Variants in ARSG observed in about 807,000 individuals in gnomAD.
ARSG encodes arylsulfatase G, also known as ASG.
ARSG carries 37 observed loss-of-function variants against 50.5 expected under a neutral mutation model. The observed-to-expected ratio is 0.73, with a 90% CI of 0.56 to 0.96. The LOEUF is 0.96. Ranked by LOEUF, ARSG falls within the 50% of genes least tolerant of loss-of-function variation. The pLI is 0.00. For synonymous variants in ARSG, 225 were observed against 254.6 expected (o/e 0.88, Z 1.11); for missense variants, 629 against 675.3 (o/e 0.93, Z 0.76).
intron 1 of ARSG, chr17:68,270,805 A>G (rs782781811): frequency 1.3e-6 from 2 of 1,526,124 alleles, no homozygotes; most frequent in African/African-American, 2.8e-5. Flanking sequence ...AAGGGAAAGT[A>G]GACAAGTGTT....
At chr17:68,324,030 G>A (rs1477401057) in intron 2 of ARSG, among the ~76,000 whole-genome samples, 10 of 136,602 alleles carry the variant, frequency 7.3e-5, no homozygotes, top group African/African-American at 2.8e-4. Flanking sequence ...CTGAGATCAT[G>A]CCACTGCACT....
intron 6 of ARSG, among the ~76,000 whole-genome samples, chr17:68,361,013 C>T (rs112710513): frequency 0.018 from 2,721 of 152,118 alleles, 85 homozygotes; most frequent in African/African-American, 0.061. Flanking sequence ...TTAGTAGAGA[C>T]GGCGTTTCAC....
Position 68,320,214 on chromosome 17 carries a change from T to C in ARSG, c.218+12503T>C, listed in dbSNP as rs1365403254. 2.0e-5 allele frequency among the ~76,000 whole-genome samples: 3 copies of C among 151,498 alleles called. No individual in the cohort carries two copies. In the East Asian group the frequency reaches 5.8e-4, roughly 29 times the overall value. ...TGAGACAGGCGAATCGCTTAGAACC[T>C]GGGAGTTGGAGGTTGCAGTGAGCCG... On this transcript the variant is annotated intron_variant, in intron 2 of 11. Coordinates refer to ENST00000621439, the MANE Select transcript of ARSG (RefSeq NM_001267727.2).
intron 5 of ARSG, among the ~76,000 whole-genome samples, chr17:68,353,086 A>C (rs2078875541): frequency 6.6e-6 from 1 of 152,022 alleles, no homozygotes; most frequent in Admixed American, 6.6e-5. Flanking sequence ...TTACATTCTA[A>C]GCACTGTCTA....
downstream of ARSG, chr17:68,427,081 G>C: frequency 1.4e-6 from 2 of 1,451,188 alleles, no homozygotes; most frequent in East Asian, 2.3e-5. Flanking sequence ...GCAGGGAGAA[G>C]GGGAGGGAGG....
the ARSG span, chr17:68,429,961 G>A: frequency 4.3e-6 from 7 of 1,611,786 alleles, no homozygotes; most frequent in Admixed American, 6.7e-5. Context: ...TGACGAAAGT[G>A]TGGTCTTGTT....
intron 1 of ARSG, among the ~76,000 whole-genome samples, chr17:68,269,553 G>T (rs1473378199): frequency 6.9e-6 from 1 of 145,656 alleles, no homozygotes; most frequent in African/African-American, 2.6e-5. Context: ...TGTTCTTCTT[G>T]GGCTAAGCCT....
intron 1 of ARSG, among the ~76,000 whole-genome samples, chr17:68,301,526 T>G (rs556145018): frequency 1.3e-5 from 2 of 152,324 alleles, no homozygotes; most frequent in African/African-American, 4.8e-5. Context: ...TGTCTCGCTC[T>G]AGCACTGTCT....
chr17:68,313,511 C>G (rs529423666), intron 2 of ARSG, among the ~76,000 whole-genome samples: 1 of 152,060 alleles, frequency 6.6e-6, no homozygotes, highest in Non-Finnish European at 1.5e-5. Context: ...AAATACCAGT[C>G]TTTGGATTGA....
At chr17:68,410,981 AT>A (rs956999620) in intron 11 of ARSG, among the ~76,000 whole-genome samples, 42 of 152,052 alleles carry the variant, frequency 2.8e-4, no homozygotes, top group African/African-American at 1.0e-3. Flanking sequence ...TCCCTTTATC[AT>A]TTTTTATTGC....
intron 5 of ARSG, among the ~76,000 whole-genome samples, chr17:68,353,787 C>T (rs542486365): frequency 2.6e-5 from 4 of 152,236 alleles, no homozygotes; most frequent in South Asian, 4.2e-4. Flanking sequence ...TTACAATTTC[C>T]GCCTCCCAGG....
chr17:68,411,526 G>A (rs1286553098), intron 11 of ARSG, among the ~76,000 whole-genome samples: 5 of 151,954 alleles, frequency 3.3e-5, no homozygotes, highest in African/African-American at 9.7e-5. Context: ...CATTTGCTGA[G>A]GAGAGCTTTA....
chr17:68,366,042 T>C (rs941139104), intron 6 of ARSG, among the ~76,000 whole-genome samples: 1 of 152,040 alleles, frequency 6.6e-6, no homozygotes, highest in Non-Finnish European at 1.5e-5. Context: ...TTTCAAGTGG[T>C]TCTCCCTGCC....
intron 2 of ARSG, among the ~76,000 whole-genome samples, chr17:68,312,441 T>C (rs982904575): frequency 5.9e-5 from 9 of 152,140 alleles, no homozygotes; most frequent in African/African-American, 2.2e-4. Flanking sequence ...ACTTCCGCTT[T>C]CAGTGTTTAG....
chr17:68,298,970 A>G (rs1302252780), intron 1 of ARSG, among the ~76,000 whole-genome samples: 1 of 152,150 alleles, frequency 6.6e-6, no homozygotes, highest in Non-Finnish European at 1.5e-5. Context: ...AACATATTTC[A>G]TTGAGAAAGT....
At chr17:68,448,105 G>A in the ARSG span, among the ~76,000 whole-genome samples, 1 of 151,848 alleles carries the variant, frequency 6.6e-6, no homozygotes, top group African/African-American at 2.4e-5. Flanking sequence ...GCCTGAGGAA[G>A]TAGCAGACTG....
At chr17:68,403,304 T>C (rs558693463) in intron 11 of ARSG, among the ~76,000 whole-genome samples, 1 of 152,328 alleles carries the variant, frequency 6.6e-6, no homozygotes, top group African/African-American at 2.4e-5. Flanking sequence ...AATGTTGGAA[T>C]CAGACATGTT....
chr17:68,272,331 A>G (rs576775031), intron 1 of ARSG, among the ~76,000 whole-genome samples: 1 of 152,208 alleles, frequency 6.6e-6, no homozygotes, highest in Non-Finnish European at 1.5e-5. Context: ...CTTTTGAAAA[A>G]CGAGAGGACA....
intron 10 of ARSG, among the ~76,000 whole-genome samples, chr17:68,397,353 A>G (rs1442274433): frequency 6.6e-6 from 1 of 152,144 alleles, no homozygotes; most frequent in Non-Finnish European, 1.5e-5. Context: ...GAAGCAGCTG[A>G]TGGTATCTTC....
Sources: gnomAD v4.1 joint callset for allele counts (sites outside exome capture counted in the v4.1 genomes callset) on GRCh38, gnomAD v4.1.1 for gene constraint, MANE v1.5 for transcripts, NCBI Gene and HGNC (gene_info 2026-07-23, HGNC 2026-07-21) for gene names.